SLCO3A1: variants seen among roughly 807,000 people sequenced by gnomAD.
SLCO3A1 encodes the protein solute carrier organic anion transporter family member 3A1.
In SLCO3A1, 27 loss-of-function variants were observed where a neutral mutation model predicts 63.1. That is an observed-to-expected ratio of 0.43 (90% CI 0.32 to 0.59). The LOEUF (loss-of-function observed/expected upper bound fraction) is 0.59, where lower values mean the gene tolerates loss of function less well. Ranked by LOEUF, SLCO3A1 falls within the 20% of genes least tolerant of loss-of-function variation. SLCO3A1 has a pLI of 0.09. For synonymous variants in SLCO3A1, 473 were observed against 409.9 expected (o/e 1.15, Z -1.86); for missense variants, 773 against 945.8 (o/e 0.82, Z 2.40).
intron 2 of SLCO3A1, among the ~76,000 whole-genome samples, chr15:92,008,447 A>ATT (rs1252109415): frequency 6.6e-6 from 1 of 152,238 alleles, no homozygotes; most frequent in Admixed American, 6.5e-5. Context: ...AACATGAAGT[A>ATT]ATGTTTATGA....
At chr15:91,957,866 G>T (rs1200424634) in intron 2 of SLCO3A1, among the ~76,000 whole-genome samples, 1 of 152,154 alleles carries the variant, frequency 6.6e-6, no homozygotes, top group African/African-American at 2.4e-5. Flanking sequence ...ACTTCATTCA[G>T]TTCAGTGCTA....
intron 2 of SLCO3A1, among the ~76,000 whole-genome samples, chr15:92,035,936 G>T (rs1412127091): frequency 1.3e-5 from 2 of 151,854 alleles, no homozygotes; most frequent in East Asian, 1.9e-4. Context: ...CAAGGAAGGG[G>T]TCTCATGCAC....
intron 2 of SLCO3A1, among the ~76,000 whole-genome samples, chr15:92,048,066 C>T (rs1170542576): frequency 6.6e-6 from 1 of 152,102 alleles, no homozygotes; most frequent in East Asian, 1.9e-4. Context: ...GGACTGCCAC[C>T]TTGTTAGCTT....
intron 1 of SLCO3A1, among the ~76,000 whole-genome samples, chr15:91,898,992 A>G (rs1328824950): frequency 1.3e-5 from 2 of 151,850 alleles, no homozygotes; most frequent in African/African-American, 4.9e-5. Flanking sequence ...AGAGTGGCCA[A>G]GTGCCATATG....
intron 2 of SLCO3A1, among the ~76,000 whole-genome samples, chr15:92,045,772 A>G (rs1474727710): frequency 1.3e-5 from 2 of 152,180 alleles, no homozygotes; most frequent in African/African-American, 2.4e-5. Context: ...GAGTGCCAGC[A>G]TCTATACTCA....
intron 2 of SLCO3A1, among the ~76,000 whole-genome samples, chr15:91,946,081 A>G (rs1899795094): frequency 6.6e-6 from 1 of 152,222 alleles, no homozygotes; most frequent in Non-Finnish European, 1.5e-5. Flanking sequence ...ATCCTGCACT[A>G]GTTTGTGGGC....
Position 91,941,101 on chromosome 15 carries a change from C to T in SLCO3A1, c.646+24643C>T, listed in dbSNP as rs1014860288. ...TGACATTAACGTGCAAGCCTCTGGC[C>T]GTGCAATTAGAGGTTGTTAGGCAGC... is the stretch of plus-strand genomic sequence containing the variant. On this transcript the variant is annotated intron_variant, in intron 2 of 9. Coordinates refer to ENST00000318445, the MANE Select transcript of SLCO3A1 (RefSeq NM_013272.4). This position sits in a 1 kb window ranked among gnomAD's most constrained non-coding sequence, Gnocchi z 4.4. 4.6e-5 allele frequency among the ~76,000 whole-genome samples: 7 copies of T among 152,254 alleles called. No individual in the cohort carries two copies. In the East Asian group the frequency reaches 9.7e-4, roughly 21 times the overall value.
chr15:91,960,086 A>G (rs1207543460), intron 2 of SLCO3A1, among the ~76,000 whole-genome samples: 1 of 152,028 alleles, frequency 6.6e-6, no homozygotes, highest in Non-Finnish European at 1.5e-5. Flanking sequence ...TGGGTTCAAA[A>G]GATTCTCCTG....
chr15:92,002,268 G>T (rs1025820374), intron 2 of SLCO3A1, among the ~76,000 whole-genome samples: 3 of 152,106 alleles, frequency 2.0e-5, no homozygotes, highest in African/African-American at 7.2e-5. Context: ...AGCAGCCAGG[G>T]CCCTGTTCCA....
rs376179575 is a variant in SLCO3A1, at chr15:92,164,668, G to C, written c.*1533G>C. 4.1e-6 allele frequency: 4 copies of C among 985,276 alleles called. No individual in the cohort carries two copies. In the African/African-American group the frequency reaches 7.0e-5, roughly 17 times the overall value. 61.0% of individuals were successfully genotyped at this position (985,276 alleles called of 1,614,324 possible). A position where few individuals can be genotyped will look rare whatever the true frequency, so the allele number is the denominator to read the frequency against. On this transcript the variant is annotated 3_prime_UTR_variant, in exon 10 of 10. Coordinates refer to ENST00000318445, the MANE Select transcript of SLCO3A1 (RefSeq NM_013272.4). ...CTGGAAGCTGTCGTGTGTCCAATGC[G>C]TGAAAATGTCTGTGACATTTTCAGT... is the stretch of plus-strand genomic sequence containing the variant.
At chr15:92,034,479 TGCGAG>T (rs2046698268) in intron 2 of SLCO3A1, among the ~76,000 whole-genome samples, 1 of 151,452 alleles carries the variant, frequency 6.6e-6, no homozygotes, top group South Asian at 2.1e-4. Context: ...TACTTAACAC[TGCGAG>T]GCTGGGCGAG....
intron 3 of SLCO3A1, among the ~76,000 whole-genome samples, chr15:92,099,381 T>C (rs1596100290): frequency 6.6e-6 from 1 of 152,170 alleles, no homozygotes; most frequent in East Asian, 1.9e-4. Context: ...TTAATGATAC[T>C]CTTGGAATTC....
chr15:91,977,866 A>G (rs1336102715), intron 2 of SLCO3A1, among the ~76,000 whole-genome samples: 2 of 152,232 alleles, frequency 1.3e-5, no homozygotes, highest in Non-Finnish European at 2.9e-5. Context: ...GATTAAAAAC[A>G]TATTTCCTAA....
At chr15:91,924,795 A>G (rs189881564) in intron 2 of SLCO3A1, among the ~76,000 whole-genome samples, 19 of 152,372 alleles carry the variant, frequency 1.2e-4, no homozygotes, top group African/African-American at 4.3e-4. Flanking sequence ...TTCCTAAGCC[A>G]GAGGAAGAAA....
At chr15:91,983,647 G>A (rs2046014564) in intron 2 of SLCO3A1, among the ~76,000 whole-genome samples, 1 of 152,200 alleles carries the variant, frequency 6.6e-6, no homozygotes, top group East Asian at 1.9e-4. Flanking sequence ...TTGTTTGGTT[G>A]TGGTGTGGGG....
At chr15:91,998,033 C>CT (rs376182188) in intron 2 of SLCO3A1, among the ~76,000 whole-genome samples, 10 of 152,272 alleles carry the variant, frequency 6.6e-5, no homozygotes, top group African/African-American at 1.7e-4. Flanking sequence ...ACAAAAGAAA[C>CT]TATCAATAGA....
At chr15:92,028,314 G>A (rs1272161294) in intron 2 of SLCO3A1, among the ~76,000 whole-genome samples, 2 of 152,070 alleles carry the variant, frequency 1.3e-5, no homozygotes, top group African/African-American at 2.4e-5. Flanking sequence ...TAGCATCCTC[G>A]GGAAGCCACA....
Position 91,883,301 on chromosome 15 carries a change from A to C in SLCO3A1, c.180+29213A>C, listed in dbSNP as rs1897642363. On this transcript the variant is annotated intron_variant, in intron 1 of 9. Transcript: ENST00000318445. This position sits in a 1 kb window ranked among gnomAD's most constrained non-coding sequence, Gnocchi z 4.8. ...GTGAAGAGAGAAACTTGGCACCGGG[A>C]CCCTAGAATCCCCTCTTTCTGGTTT... 6.6e-6 allele frequency among the ~76,000 whole-genome samples: 1 copy of C among 152,108 alleles called. No individual in the cohort carries two copies. Among genetic ancestry groups the C allele is most frequent in the African/African-American group, 2.4e-5 (1 of 41,410 alleles).
In SLCO3A1 at chr15:91,854,980, TC is replaced by T. The variant is rs1221375670; in HGVS notation, c.180+894del. On this transcript the variant is annotated intron_variant, in intron 1 of 9. Coordinates refer to ENST00000318445, the MANE Select transcript of SLCO3A1 (RefSeq NM_013272.4). The surrounding 1 kb of genome is among the most constrained non-coding windows in gnomAD (Gnocchi z 6.4). ...CTGCTCAGGTGGTCGCAACTTGAGT[TC>T]CAGAGAGCGTGCTTCCACACCTAAG... is the stretch of plus-strand genomic sequence containing the variant. Among the ~76,000 whole-genome samples, 2 of 152,086 alleles carry T rather than the reference TC, an allele frequency of 1.3e-5. No individual in the cohort carries two copies. The highest frequency in any genetic ancestry group is 1.3e-4 in the Admixed American group (2 of 15,260).
Sources: allele counts gnomAD v4.1 joint callset (sites outside exome capture counted in the v4.1 genomes callset), GRCh38; gene constraint gnomAD v4.1.1; non-coding constraint Gnocchi (gnomAD v3.1); transcripts MANE v1.5; gene names NCBI Gene and HGNC (gene_info 2026-07-23, HGNC 2026-07-21).